CYFIP1: variants seen among roughly 807,000 people sequenced by gnomAD.
CYFIP1 encodes cytoplasmic FMR1 interacting protein 1.
Under a neutral mutation model 163.5 loss-of-function variants are expected in CYFIP1, and 58 were observed. The ratio of observed to expected loss-of-function variants is 0.35; its 90% CI spans 0.29 to 0.44. The LOEUF (loss-of-function observed/expected upper bound fraction) is 0.44, where lower values mean the gene tolerates loss of function less well. CYFIP1 is among the 20% of genes least tolerant of loss of function. The pLI is 1.00. For missense variants in CYFIP1, 1,338 were observed against 1,653.8 expected (o/e 0.81, Z 3.31); for synonymous variants, 663 against 660.7 (o/e 1.00, Z -0.05).
intron 6 of CYFIP1, among the ~76,000 whole-genome samples, chr15:22,940,087 G>A (rs533346223): frequency 2.0e-5 from 3 of 152,340 alleles, no homozygotes; most frequent in African/African-American, 7.2e-5. Context: ...TGCTAAGCCT[G>A]CGAGGTCTGG....
chr15:22,929,169 A>G (rs2346696), intron 11 of CYFIP1, among the ~76,000 whole-genome samples: 123,910 of 150,762 alleles, frequency 0.82, 51,109 homozygotes, highest in African/African-American at 0.89. Flanking sequence ...GCAGTGAGCC[A>G]AGATCCCGCC....
chr15:22,896,047 G>A (rs1383124335), intron 22 of CYFIP1, among the ~76,000 whole-genome samples: 1 of 152,168 alleles, frequency 6.6e-6, no homozygotes, highest in Non-Finnish European at 1.5e-5. Flanking sequence ...TGGGGAGGGT[G>A]GATCCTGAAC....
chr15:22,910,155 A>AT lies in CYFIP1; in HGVS notation c.2268+364dup, dbSNP rs79430425. Among the ~76,000 whole-genome samples, 589 of 149,034 alleles carry AT rather than the reference A, an allele frequency of 4.0e-3. 14 individuals carry two copies. In the East Asian group the frequency reaches 0.067, roughly 17 times the overall value. ...TAGCTAGCTATAAGAAATCTCAATC[A>AT]TTTTTTTTTTCTTTTTTTTGAGACG... On this transcript the variant is annotated intron_variant, in intron 20 of 30. Coordinates refer to ENST00000617928, the MANE Select transcript of CYFIP1 (RefSeq NM_014608.6).
In CYFIP1 at chr15:22,948,808, T is replaced by TAAA. The variant is rs3083516; in HGVS notation, c.-6-1520_-6-1518dup. On this transcript the variant is annotated intron_variant, in intron 1 of 30. Coordinates refer to ENST00000617928, the MANE Select transcript of CYFIP1 (RefSeq NM_014608.6). ...AACTAAAAGACACACTACTGAAATG[T>TAAA]AAAAAAAAAAAAAAACCTCAGGAAA... Among the ~76,000 whole-genome samples the TAAA allele has an allele frequency of 2.6e-3, 357 of 139,696 alleles. 2 individuals are homozygous for TAAA. The highest frequency in any genetic ancestry group is 0.015 in the Middle Eastern group (4 of 274). 91.6% of individuals were successfully genotyped at this position (139,696 alleles called of 152,430 possible).
Position 22,933,851 on chromosome 15 carries a change from G to A in CYFIP1, c.943C>T (p.Leu315=), listed in dbSNP as rs753276734. The A allele has an allele frequency of 1.2e-6, 2 of 1,613,276 alleles. No homozygotes were observed. Among genetic ancestry groups the A allele is most frequent in the Non-Finnish European group, 1.7e-6 (2 of 1,179,718 alleles). ...GCGCTGGTCTTGATATATCTTGCCAGTTCTATTTGCATGTCCCCAAATAGC... is the reference window on the plus strand; with the variant it reads ...GCGCTGGTCTTGATATATCTTGCCAATTCTATTTGCATGTCCCCAAATAGC... ...VPLFGDMQIE[L]ARYIKTSAHY... is the part of the protein sequence containing the mutation. Residue 315 remains leucine (L), a synonymous_variant, in exon 10 of 31, where the codon CTG becomes TTG. Coordinates refer to ENST00000617928, the MANE Select transcript of CYFIP1 (RefSeq NM_014608.6).
intron 13 of CYFIP1, among the ~76,000 whole-genome samples, chr15:22,923,405 A>G (rs1395758085): frequency 6.6e-6 from 1 of 152,180 alleles, no homozygotes; most frequent in East Asian, 1.9e-4. Flanking sequence ...TCAAAAGCGC[A>G]ATGAAATGAG....
At position 22,958,919 on chromosome 15, in the gene CYFIP1, A is replaced by G. The variant is rs373096279; in HGVS notation, c.-6-11628T>C. 6.5e-3 allele frequency among the ~76,000 whole-genome samples: 993 copies of G among 152,362 alleles called. 9 individuals are homozygous for G. The highest frequency in any genetic ancestry group is 9.7e-3 in the Non-Finnish European group (657 of 68,038). On this transcript the variant is annotated intron_variant, in intron 1 of 30. Coordinates refer to ENST00000617928, the MANE Select transcript of CYFIP1 (RefSeq NM_014608.6). ...TTAATAAAAGGCAGAGATGGGGCCC[A>G]GTATTCCACAGAATAAAGTCTCAAT...
At chr15:22,937,709 C>T (rs185426661) in intron 8 of CYFIP1, among the ~76,000 whole-genome samples, 2,010 of 151,912 alleles carry the variant, frequency 0.013, 21 homozygotes, top group Non-Finnish European at 0.02. Context: ...AGCGATTCTC[C>T]TGCCTCAGCC....
chr15:22,877,052 A>G (rs902930295), intron 26 of CYFIP1, among the ~76,000 whole-genome samples: 1 of 152,176 alleles, frequency 6.6e-6, no homozygotes, highest in Non-Finnish European at 1.5e-5. Flanking sequence ...CACAGAGGCT[A>G]TGGTTTGGAT....
Position 22,867,088 on chromosome 15 carries a change from C to T in CYFIP1, c.*2940G>A, listed in dbSNP as rs1392791622. ...ATTTTATTGTTGTAGAAGTATTTTA[C>T]ATTTTCATCCCTTCTCCAAAAGCCG... On this transcript the variant is annotated 3_prime_UTR_variant, in exon 31 of 31. Coordinates refer to ENST00000617928, the MANE Select transcript of CYFIP1 (RefSeq NM_014608.6). The T allele has an allele frequency of 1.4e-5, 7 of 492,912 alleles. No homozygotes were observed. The highest frequency in any genetic ancestry group is 2.1e-5 in the Non-Finnish European group (6 of 283,184). 30.5% of individuals were successfully genotyped at this position (492,912 alleles called of 1,614,324 possible).
intron 6 of CYFIP1, among the ~76,000 whole-genome samples, chr15:22,942,840 CCT>C (rs942161320): frequency 6.6e-6 from 1 of 152,210 alleles, no homozygotes; most frequent in African/African-American, 2.4e-5. Context: ...CAAGATGCTC[CCT>C]GAGCCAGATG....
chr15:22,889,071 CA>C (rs1198864088), intron 23 of CYFIP1, among the ~76,000 whole-genome samples: 1 of 150,754 alleles, frequency 6.6e-6, no homozygotes, highest in Non-Finnish European at 1.5e-5. Flanking sequence ...AAACAAAAAA[CA>C]AAAAGAAAAA....
Position 22,932,308 on chromosome 15 carries a change from T to A in CYFIP1, c.1025A>T (p.Gln342Leu). Reference protein sequence around the residue: ...WTCTSSGSSPQYNICEQMIQI... With the variant: ...WTCTSSGSSPLYNICEQMIQI... ...GATCATCTGCTCGCAGATGTTGTAC[T>A]GAGGGCTGCTGCCGGAGGATGTGCA... The change falls in exon 11 of 31, where the codon CAG becomes CTG. Residue 342 changes from glutamine to leucine, a missense_variant. Coordinates refer to ENST00000617928, the MANE Select transcript of CYFIP1 (RefSeq NM_014608.6). 1 of 1,611,006 alleles carries A rather than the reference T, an allele frequency of 6.2e-7. No individual in the cohort carries two copies. The highest frequency in any genetic ancestry group is 1.3e-5 in the African/African-American group (1 of 74,896).
intron 23 of CYFIP1, among the ~76,000 whole-genome samples, chr15:22,884,513 C>T (rs930451328): frequency 1.3e-5 from 2 of 152,212 alleles, no homozygotes; most frequent in Admixed American, 6.5e-5. Flanking sequence ...ATGTGGGCTC[C>T]CACAGTCTTG....
At position 22,883,710 on chromosome 15, in the gene CYFIP1, G is replaced by A. The variant is rs532798916; in HGVS notation, c.2677-699C>T. On this transcript the variant is annotated intron_variant, in intron 23 of 30. Transcript: ENST00000617928. The stretch of plus-strand genomic sequence containing the variant: ...CAGGTGCCTGTAGTCCCAGCTACTC[G>A]GGAGGCTGAGGCAGGAGAATGGCAT... Among the ~76,000 whole-genome samples, 555 of 151,514 alleles carry A rather than the reference G, an allele frequency of 3.7e-3. 1 individual carries two copies. The highest frequency in any genetic ancestry group is 5.3e-3 in the Non-Finnish European group (360 of 67,878).
At chr15:22,952,979 T>G (rs1296581436) in intron 1 of CYFIP1, among the ~76,000 whole-genome samples, 1 of 152,214 alleles carries the variant, frequency 6.6e-6, no homozygotes, top group African/African-American at 2.4e-5. Context: ...TTCAGGTTTT[T>G]CATGATCATA....
intron 14 of CYFIP1, 105 bp downstream of exon 14, chr15:22,918,587 A>G: frequency 9.3e-7 from 1 of 1,077,536 alleles, no homozygotes; most frequent in Non-Finnish European, 1.3e-6. Context: ...GTTGAAGATA[A>G]ATATATTGAA....
intron 10 of CYFIP1, among the ~76,000 whole-genome samples, chr15:22,932,666 C>T (rs2061576037): frequency 6.6e-6 from 1 of 152,118 alleles, no homozygotes; most frequent in South Asian, 2.1e-4. Context: ...TGAAAGCCTC[C>T]CCTGAGGCTC....
intron 22 of CYFIP1, among the ~76,000 whole-genome samples, chr15:22,898,586 G>A (rs114305601): frequency 9.9e-5 from 15 of 152,172 alleles, no homozygotes; most frequent in African/African-American, 2.2e-4. Context: ...TCAGGCGGGC[G>A]TGCAGCGGCA....
Sources: gnomAD v4.1 joint callset for allele counts (sites outside exome capture counted in the v4.1 genomes callset) on GRCh38, gnomAD v4.1.1 for gene constraint, MANE v1.5 for transcripts, NCBI Gene and HGNC (gene_info 2026-07-23, HGNC 2026-07-21) for gene names.